PLXDC1: variants seen among roughly 807,000 people sequenced by gnomAD.
The protein encoded by PLXDC1 is plexin domain-containing protein 1.
PLXDC1 carries 39 observed loss-of-function variants against 61.3 expected under a neutral mutation model. That is an observed-to-expected ratio of 0.64 (90% CI 0.49 to 0.83). The LOEUF is 0.83. Among genes scored for constraint, PLXDC1 ranks in the 40% least tolerant of loss-of-function variants. PLXDC1 has a pLI of 0.00. For missense variants in PLXDC1, 596 were observed against 666.5 expected, an observed-to-expected ratio of 0.89 and a Z score of 1.17; for synonymous variants, 212 against 254.5, an observed-to-expected ratio of 0.83 and a Z score of 1.59.
chr17:39,152,755 C>A, upstream of PLXDC1: 2 of 995,846 alleles, frequency 2.0e-6, no homozygotes, highest in Non-Finnish European at 2.6e-6. Context: ...GAGACGGATT[C>A]CGTGGCACTG....
At chr17:39,130,982 C>T (rs1381274354) in intron 2 of PLXDC1, among the ~76,000 whole-genome samples, 2 of 152,156 alleles carry the variant, frequency 1.3e-5, no homozygotes, top group African/African-American at 2.4e-5. Context: ...GCAAGAGGAA[C>T]CGGACCGGGA....
At chr17:39,077,056 C>T (rs1039704649) in intron 11 of PLXDC1, among the ~76,000 whole-genome samples, 3 of 151,876 alleles carry the variant, frequency 2.0e-5, no homozygotes, top group African/African-American at 2.4e-5. Flanking sequence ...TTAGTGGAGA[C>T]GGGGTTTCAC....
chr17:39,147,255 C>T (rs78194828), intron 1 of PLXDC1, among the ~76,000 whole-genome samples: 16 of 152,296 alleles, frequency 1.1e-4, no homozygotes, highest in African/African-American at 2.6e-4. Context: ...CGCGCCCAGC[C>T]GAGGAACTGA....
intron 2 of PLXDC1, among the ~76,000 whole-genome samples, chr17:39,137,776 G>A (rs1464591109): frequency 6.6e-6 from 1 of 151,982 alleles, no homozygotes; most frequent in Non-Finnish European, 1.5e-5. Flanking sequence ...AACACAGGAG[G>A]GAGACAAAGG....
chr17:39,069,859 G>A lies in PLXDC1; in HGVS notation c.1380C>T (p.Ile460=), dbSNP rs376208206. The A allele has an allele frequency of 2.2e-4, 362 of 1,613,234 alleles. No homozygotes were observed. Among genetic ancestry groups the A allele is most frequent in the Non-Finnish European group, 3.0e-4 (352 of 1,179,420 alleles). ...HPTSNAALFF[I]ERRPHHWPAM... The stretch of plus-strand genomic sequence containing the variant: ...TGTGGCCACAGATGACACGGACCTC[G>A]ATGAAGAAGAGCGCAGCATTGGATG... The change falls in exon 13 of 14, where the codon ATC becomes ATT. Residue 460 remains isoleucine, a synonymous_variant. Transcript: ENST00000315392.
At chr17:39,128,291 C>G (rs1377606754) in intron 2 of PLXDC1, among the ~76,000 whole-genome samples, 1 of 151,068 alleles carries the variant, frequency 6.6e-6, no homozygotes, top group African/African-American at 2.4e-5. Flanking sequence ...GATCTCGGCT[C>G]ACTGCAACCT....
chr17:39,150,958 G>A (rs1262750702), intron 1 of PLXDC1, among the ~76,000 whole-genome samples: 3 of 152,204 alleles, frequency 2.0e-5, no homozygotes, highest in Non-Finnish European at 2.9e-5. Flanking sequence ...GTGTGGCAGA[G>A]AAGAGGAAAA....
chr17:39,114,446 TC>T (rs1219902219), intron 2 of PLXDC1, among the ~76,000 whole-genome samples: 1 of 152,194 alleles, frequency 6.6e-6, no homozygotes, highest in Non-Finnish European at 1.5e-5. Flanking sequence ...CCTGTTGCAT[TC>T]CCATCACACC....
At chr17:39,100,185 C>A (rs958776470) in intron 7 of PLXDC1, among the ~76,000 whole-genome samples, 2 of 152,168 alleles carry the variant, frequency 1.3e-5, no homozygotes, top group Admixed American at 1.3e-4. Context: ...CCGGTCCCAA[C>A]CCTCCCCACC....
intron 2 of PLXDC1, among the ~76,000 whole-genome samples, chr17:39,129,632 A>G (rs1284334466): frequency 4.5e-5 from 4 of 88,900 alleles, no homozygotes; most frequent in East Asian, 4.5e-4. Context: ...AAGAAAGAAA[A>G]GAAAGAAAGA....
chr17:39,070,740 G>T, intron 12 of PLXDC1, among the ~76,000 whole-genome samples: 1 of 152,180 alleles, frequency 6.6e-6, no homozygotes, highest in Non-Finnish European at 1.5e-5. Context: ...CACTTTAGGA[G>T]GCCGAGGCAG....
At chr17:39,103,071 C>T (rs1393706832) in intron 7 of PLXDC1, among the ~76,000 whole-genome samples, 4 of 152,056 alleles carry the variant, frequency 2.6e-5, no homozygotes. Context: ...AAAAATTAGC[C>T]AGGCGTGGTG....
chr17:39,152,430 A>G (rs927029788), upstream of PLXDC1: 8 of 945,514 alleles, frequency 8.5e-6, no homozygotes, highest in African/African-American at 1.0e-4. Context: ...GGGGATAGAT[A>G]ATCTTTTTAT....
At chr17:39,114,065 G>A (rs1485042443) in intron 2 of PLXDC1, among the ~76,000 whole-genome samples, 1 of 152,078 alleles carries the variant, frequency 6.6e-6, no homozygotes, top group African/African-American at 2.4e-5. Context: ...AGACATGATG[G>A]CTGGAGTTCC....
At chr17:39,129,822 G>A (rs1460839415) in intron 2 of PLXDC1, among the ~76,000 whole-genome samples, 2 of 152,062 alleles carry the variant, frequency 1.3e-5, no homozygotes, top group Non-Finnish European at 2.9e-5. Flanking sequence ...AGAAATTTAA[G>A]TACATTTACA....
At chr17:39,149,187 C>T (rs962594694) in intron 1 of PLXDC1, among the ~76,000 whole-genome samples, 1 of 152,164 alleles carries the variant, frequency 6.6e-6, no homozygotes, top group African/African-American at 2.4e-5. Flanking sequence ...CTCTACCAAA[C>T]AAGCCTGTCC....
rs1433022212 is a variant in PLXDC1, at chr17:39,077,929, G to A, written c.1170C>T (p.Asp390=). 1 of 1,614,146 alleles carries A rather than the reference G, an allele frequency of 6.2e-7. No individual in the cohort carries two copies. The highest frequency in any genetic ancestry group is 2.2e-5 in the East Asian group (1 of 44,884). Residue 390 remains aspartate (D), a synonymous_variant, in exon 11 of 14, where the codon GAC becomes GAT. Coordinates refer to ENST00000315392, the MANE Select transcript of PLXDC1 (RefSeq NM_020405.5). ...LTTTSSSLFI[D]SLTTEDDTKL... ...AGAACTTACCTTCTGTGGTGAGGCT[G>A]TCGATGAAGAGGGAGGAGGAGGTAG...
chr17:39,076,508 C>CAAA (rs34943653), intron 11 of PLXDC1, among the ~76,000 whole-genome samples: 3 of 85,132 alleles, frequency 3.5e-5, no homozygotes, highest in African/African-American at 1.2e-4. Context: ...GACCCTGTCT[C>CAAA]AAAAAAAAAA....
chr17:39,110,914 C>T (rs936988957), intron 2 of PLXDC1, among the ~76,000 whole-genome samples: 1 of 139,574 alleles, frequency 7.2e-6, no homozygotes, highest in African/African-American at 3.4e-5. Context: ...GCCCTCCCTT[C>T]CTGCCTCCAG....
Sources: gnomAD v4.1 joint callset for allele counts (sites outside exome capture counted in the v4.1 genomes callset) on GRCh38, gnomAD v4.1.1 for gene constraint, MANE v1.5 for transcripts, NCBI Gene and HGNC (gene_info 2026-07-23, HGNC 2026-07-21) for gene names.